The following HNRNPA2B1 variants were observed in gnomAD, a reference collection of about 807,000 sequenced individuals.
HNRNPA2B1 encodes the protein heterogeneous nuclear ribonucleoproteins A2/B1.
In HNRNPA2B1, 3 loss-of-function variants were observed where a neutral mutation model predicts 46.3. The observed-to-expected ratio is 0.06, with a 90% CI of 0.03 to 0.17. The LOEUF (loss-of-function observed/expected upper bound fraction) is 0.17, where lower values mean the gene tolerates loss of function less well. HNRNPA2B1 is among the 10% of genes least tolerant of loss of function. The pLI is 1.00. For synonymous variants in HNRNPA2B1, 225 were observed against 133.8 expected (o/e 1.68, Z -4.70); for missense variants, 221 against 418.9 (o/e 0.53, Z 4.12).
Position 26,196,412 on chromosome 7 carries a change from C to T in HNRNPA2B1, c.647G>A (p.Arg216Lys). The change falls in exon 6 of 11, where the codon AGA becomes AAA. Residue 216 changes from arginine (R) to lysine (K), a missense_variant. Arg to Lys is a conservative substitution (Grantham distance 26, BLOSUM62 2). This residue lies in a region of HNRNPA2B1 where 143 missense variants were observed against 200.5 expected (regional missense o/e 0.71). Transcript: ENST00000618183. ...AACTTGAAACTCACCAGATCCTCCTCTAAAGTTACTTCCTGGTCCTGGTCC... is the reference window on the plus strand; with the variant it reads ...AACTTGAAACTCACCAGATCCTCCTTTAAAGTTACTTCCTGGTCCTGGTCC... ...NFGPGPGSNFRGGSDGYGSGR... is the reference protein window; with the variant it reads ...NFGPGPGSNFKGGSDGYGSGR... 6.2e-7 allele frequency: 1 copy of T among 1,613,836 alleles called. No homozygotes were observed. The highest frequency in any genetic ancestry group is 1.1e-5 in the South Asian group (1 of 91,068).
At chr7:26,195,148 G>A (rs936961403) in intron 7 of HNRNPA2B1, among the ~76,000 whole-genome samples, 1 of 142,450 alleles carries the variant, frequency 7.0e-6, no homozygotes, top group African/African-American at 2.6e-5. Context: ...CTTGTGGGCT[G>A]AGTCTCTAAC....
At position 26,192,595 on chromosome 7, in the gene HNRNPA2B1, G is replaced by C. The variant is rs1189654294; in HGVS notation, c.965-18C>G. The C allele has an allele frequency of 6.2e-7, 1 of 1,609,778 alleles. No individual in the cohort carries two copies. Among genetic ancestry groups the C allele is most frequent in the Admixed American group, 1.7e-5 (1 of 59,984 alleles). ...ATAGTTTCCTATAATTGTTGGAACA[G>C]CAAGAGAAAACAAACTTACTTTGAT... On this transcript the variant is annotated intron_variant, in intron 9 of 10. Coordinates refer to ENST00000618183, the MANE Select transcript of HNRNPA2B1 (RefSeq NM_002137.4).
At chr7:26,195,116 C>CAAAAAAAAAAAAAAAAAAAAAAAAA (rs1783399450) in intron 7 of HNRNPA2B1, among the ~76,000 whole-genome samples, 1 of 127,606 alleles carries the variant, frequency 7.8e-6, no homozygotes, top group Non-Finnish European at 1.6e-5. Flanking sequence ...AAAAAGAAAC[C>CAAAAAAAAAAAAAAAAAAAAAAAAA]ATATTAAAAA....
At position 26,197,614 on chromosome 7, in the gene HNRNPA2B1, T is replaced by G; in HGVS notation, c.117+8A>C. On this transcript the variant is annotated splice_region_variant and intron_variant, in intron 2 of 10. Transcript: ENST00000618183. ...TAATATCCAGTAACAATTCAGTAAT[T>G]TACATACCACACAGTCTGTAAGCTT... 1 of 1,603,838 alleles carries G rather than the reference T, an allele frequency of 6.2e-7. No homozygotes were observed. Among genetic ancestry groups the G allele is most frequent in the South Asian group, 1.1e-5 (1 of 90,524 alleles).
chr7:26,198,476 T>C (rs1363905625), intron 1 of HNRNPA2B1: 2 of 152,348 alleles, frequency 1.3e-5, no homozygotes, highest in Non-Finnish European at 2.9e-5. Flanking sequence ...TATATGACAA[T>C]ACAGAATATG....
intron 6 of HNRNPA2B1, 92 bp downstream of exon 6, chr7:26,196,309 A>G (rs1294115896): frequency 7.8e-6 from 8 of 1,029,958 alleles, no homozygotes; most frequent in African/African-American, 3.2e-5. Context: ...AAATTGACTT[A>G]GGTTGGATTT....
intron 7 of HNRNPA2B1, among the ~76,000 whole-genome samples, chr7:26,195,158 C>T (rs1375667317): frequency 2.2e-5 from 3 of 137,798 alleles, no homozygotes; most frequent in African/African-American, 8.0e-5. Flanking sequence ...GAGTCTCTAA[C>T]TTGTAGTTAA....
intron 9 of HNRNPA2B1, 129 bp from the exon 10 acceptor site, chr7:26,192,706 CAGTTAGCAG>C (rs1370573626): frequency 2.7e-6 from 2 of 752,548 alleles, no homozygotes; most frequent in Non-Finnish European, 4.5e-6. Flanking sequence ...CCTTTGCAGC[CAGTTAGCAG>C]AATTACTCAG....
Position 26,200,729 on chromosome 7 carries a change from C to T in HNRNPA2B1, c.-152G>A. 3 of 943,600 alleles carry T rather than the reference C, an allele frequency of 3.2e-6. No individual in the cohort carries two copies. In the South Asian group the frequency reaches 3.9e-5, roughly 12 times the overall value. 58.5% of individuals were successfully genotyped at this position (943,600 alleles called of 1,614,324 possible). ...CTGCGAGGAGCACCTCCGCACGGGACCCGGCGCTGCTGCTACTGCCGCTAG... is the reference window on the plus strand; with the variant it reads ...CTGCGAGGAGCACCTCCGCACGGGATCCGGCGCTGCTGCTACTGCCGCTAG... On this transcript the variant is annotated 5_prime_UTR_variant, in exon 1 of 11. Coordinates refer to ENST00000618183, the MANE Select transcript of HNRNPA2B1 (RefSeq NM_002137.4).
intron 9 of HNRNPA2B1, 90 bp from the exon 10 acceptor site, chr7:26,192,667 T>A (rs2128108036): frequency 1.9e-6 from 2 of 1,065,906 alleles, no homozygotes; most frequent in Non-Finnish European, 2.9e-6. Context: ...TTTATATCCA[T>A]CCAGTCTTTT....
chr7:26,200,542 T>G (rs747661278), intron 1 of HNRNPA2B1, 30 bp downstream of exon 1: 1 of 1,612,230 alleles, frequency 6.2e-7, no homozygotes, highest in Non-Finnish European at 8.5e-7. Flanking sequence ...CATGCCCTTT[T>G]CAATAACTCA....
At chr7:26,199,347 G>A (rs1002354342) in intron 1 of HNRNPA2B1, 5 of 152,432 alleles carry the variant, frequency 3.3e-5, no homozygotes, top group Non-Finnish European at 5.9e-5. Context: ...CAAACAAAAT[G>A]AGAAAAGTAA....
chr7:26,195,630 G>T (rs1002175740), intron 7 of HNRNPA2B1: 1 of 535,628 alleles, frequency 1.9e-6, no homozygotes, highest in Non-Finnish European at 3.3e-6. Flanking sequence ...ATACTCTGAT[G>T]GTTATCTTTA....
At chr7:26,199,680 C>T (rs1268729221) in intron 1 of HNRNPA2B1, 1 of 152,128 alleles carries the variant, frequency 6.6e-6, no homozygotes, top group East Asian at 1.9e-4. Flanking sequence ...CCGATGGCTT[C>T]CAATTTATGT....
intron 7 of HNRNPA2B1, among the ~76,000 whole-genome samples, chr7:26,194,237 A>G (rs1386685940): frequency 6.6e-6 from 1 of 152,174 alleles, no homozygotes; most frequent in Non-Finnish European, 1.5e-5. Context: ...TCTACTAAAA[A>G]TACAAAACAT....
In HNRNPA2B1 at chr7:26,200,651, A is replaced by G. The variant is rs1784330175; in HGVS notation, c.-74T>C. 1.3e-6 allele frequency: 2 copies of G among 1,595,962 alleles called. No homozygotes were observed. Among genetic ancestry groups the G allele is most frequent in the Admixed American group, 3.3e-5 (2 of 60,006 alleles). ...GAGAGATCTCCGCGGACGAACACGA[A>G]CCGGACTCGTCCTGGCGCTGTAGTG... On this transcript the variant is annotated 5_prime_UTR_variant, in exon 1 of 11. Coordinates refer to ENST00000618183, the MANE Select transcript of HNRNPA2B1 (RefSeq NM_002137.4).
rs774169249 is a variant in HNRNPA2B1, at chr7:26,196,689, T to C, written c.476-31A>G. The C allele has an allele frequency of 8.2e-6, 13 of 1,589,918 alleles. No homozygotes were observed. The East Asian group carries it at 2.5e-4, about 30-fold the overall frequency. On this transcript the variant is annotated intron_variant, in intron 4 of 10. Coordinates refer to ENST00000618183, the MANE Select transcript of HNRNPA2B1 (RefSeq NM_002137.4). Reference sequence around the variant, plus strand: ...ATGAAAAATTCAGACTCCTTTTAAATTAAATCAACAATATTAAGCAGCTTC... The same window carrying C: ...ATGAAAAATTCAGACTCCTTTTAAACTAAATCAACAATATTAAGCAGCTTC...
At chr7:26,194,056 A>G (rs1418084678) in intron 7 of HNRNPA2B1, among the ~76,000 whole-genome samples, 1 of 152,202 alleles carries the variant, frequency 6.6e-6, no homozygotes, top group African/African-American at 2.4e-5. Context: ...TACTGGCCCA[A>G]AAGATAAAGT....
Position 26,200,732 on chromosome 7 carries a change from GGC to G in HNRNPA2B1, c.-157_-156del. The G allele has an allele frequency of 1.1e-6, 1 of 925,982 alleles. No homozygotes were observed. The highest frequency in any genetic ancestry group is 1.7e-6 in the Non-Finnish European group (1 of 576,562). The allele number at this position is 925,982 out of a possible 1,614,324, so 57.4% of individuals were successfully genotyped here. ...CGAGGAGCACCTCCGCACGGGACCCGGCGCTGCTGCTACTGCCGCTAGAGCCG... is the reference window on the plus strand; with the variant it reads ...CGAGGAGCACCTCCGCACGGGACCCGGCTGCTGCTACTGCCGCTAGAGCCG... On this transcript the variant is annotated 5_prime_UTR_variant, in exon 1 of 11. Coordinates refer to ENST00000618183, the MANE Select transcript of HNRNPA2B1 (RefSeq NM_002137.4).
Sources: allele counts gnomAD v4.1 joint callset (sites outside exome capture counted in the v4.1 genomes callset), GRCh38; gene constraint gnomAD v4.1.1; regional missense constraint gnomAD v4.1.1; transcripts MANE v1.5; gene names NCBI Gene and HGNC (gene_info 2026-07-23, HGNC 2026-07-21).